The following AFM variants were observed in gnomAD, a reference collection of about 807,000 sequenced individuals.
The protein encoded by AFM is afamin, also known as alpha-Alb.
Under a neutral mutation model 68.7 loss-of-function variants are expected in AFM, and 82 were observed. The observed-to-expected ratio is 1.19, with a 90% CI of 1.00 to 1.43. The LOEUF is 1.43. Among genes scored for constraint, AFM ranks in the 40% most tolerant of loss-of-function variants. AFM has a pLI of 0.00. For synonymous variants in AFM, 250 were observed against 234.2 expected (o/e 1.07, Z -0.61); for missense variants, 772 against 701.8 (o/e 1.10, Z -1.13).
At chr4:73,485,558 G>A (rs1044086473) in intron 3 of AFM, among the ~76,000 whole-genome samples, 1 of 148,142 alleles carries the variant, frequency 6.8e-6, no homozygotes, top group African/African-American at 2.5e-5. Context: ...AGGAGAAGGA[G>A]GAGAAGGAGA....
chr4:73,487,475 GC>G (rs1340473146), intron 5 of AFM, among the ~76,000 whole-genome samples: 1 of 152,108 alleles, frequency 6.6e-6, no homozygotes. Flanking sequence ...ACAGCATGCT[GC>G]CCCACCAAGG....
chr4:73,485,650 A>C (rs1011690208), intron 3 of AFM, among the ~76,000 whole-genome samples: 1 of 137,842 alleles, frequency 7.3e-6, no homozygotes, highest in African/African-American at 2.7e-5. Flanking sequence ...AAGAAGAAGA[A>C]GAAGGGGAGG....
rs16849506 is a variant in AFM, at chr4:73,497,995, T to C, written c.1289+246T>C. Among the ~76,000 whole-genome samples the C allele has an allele frequency of 9.1e-3, 1,390 of 152,324 alleles. 12 individuals are homozygous for C. The highest frequency in any genetic ancestry group is 0.03 in the African/African-American group (1,245 of 41,564). On this transcript the variant is annotated intron_variant, in intron 10 of 14. Transcript: ENST00000226355. Reference sequence around the variant, plus strand: ...TGATTCTCTAATGCTTTGGTTTCTGTTTGACATTGGCTTTCTCACTGCCAA... The same window carrying C: ...TGATTCTCTAATGCTTTGGTTTCTGCTTGACATTGGCTTTCTCACTGCCAA...
At chr4:73,493,561 G>A (rs1425575408) in intron 8 of AFM, among the ~76,000 whole-genome samples, 1 of 152,162 alleles carries the variant, frequency 6.6e-6, no homozygotes, top group African/African-American at 2.4e-5. Context: ...AATTTTAAGT[G>A]CCTCTCATCT....
intron 4 of AFM, 23 bp downstream of exon 4, chr4:73,486,096 ATG>A (rs1399950981): frequency 6.3e-7 from 1 of 1,585,832 alleles, no homozygotes; most frequent in Admixed American, 1.7e-5. Context: ...TTAGTAAAAA[ATG>A]ATCCAGTTGA....
rs74978968 is a variant in AFM, at chr4:73,488,323, G to A, written c.714-307G>A. Among the ~76,000 whole-genome samples the A allele has an allele frequency of 7.9e-3, 1,198 of 152,250 alleles. 12 individuals carry two copies. Among genetic ancestry groups the A allele is most frequent in the African/African-American group, 0.027 (1,136 of 41,548 alleles). Reference sequence around the variant, plus strand: ...CATGAATTATCTATGCCTGCCATGAGCTTACAATAGGAAGTGGTGGCCTTA... The same window carrying A: ...CATGAATTATCTATGCCTGCCATGAACTTACAATAGGAAGTGGTGGCCTTA... On this transcript the variant is annotated intron_variant, in intron 6 of 14. Coordinates refer to ENST00000226355, the MANE Select transcript of AFM (RefSeq NM_001133.2).
rs748271584 is a variant in AFM, at chr4:73,488,746, G to C, written c.830G>C (p.Cys277Ser). The C allele has an allele frequency of 1.2e-6, 2 of 1,609,526 alleles. No individual in the cohort carries two copies. The highest frequency in any genetic ancestry group is 1.7e-6 in the Non-Finnish European group (2 of 1,178,656). Residue 277 changes from cysteine to serine, a missense_variant, in exon 7 of 15, where the codon TGC becomes TCC. Physicochemically the swap from Cys to Ser is moderately radical, Grantham distance 112. Transcript: ENST00000226355. ...DGCCEGDVVQ[C>S]IRDTSKVMNH... Reference sequence around the variant, plus strand: ...TGCTGTGAAGGGGATGTTGTGCAGTGCATCCGTGACACGGTGAATATTCTC... The same window carrying C: ...TGCTGTGAAGGGGATGTTGTGCAGTCCATCCGTGACACGGTGAATATTCTC...
At chr4:73,488,801 C>T in intron 7 of AFM, 42 bp downstream of exon 7, 1 of 1,569,506 alleles carries the variant, frequency 6.4e-7, no homozygotes, top group Non-Finnish European at 8.6e-7. Flanking sequence ...TGATTTTTGG[C>T]AATTATCATT....
chr4:73,487,970 CA>C, intron 6 of AFM, 149 bp downstream of exon 6: 1 of 554,742 alleles, frequency 1.8e-6, no homozygotes, highest in Non-Finnish European at 3.2e-6. Context: ...AGCTCAGGAC[CA>C]GGACATTAGG....
chr4:73,495,524 G>C (rs1721232769), intron 9 of AFM, 92 bp downstream of exon 9: 3 of 1,501,598 alleles, frequency 2.0e-6, no homozygotes, highest in Admixed American at 2.2e-5. Flanking sequence ...CAGTCTGGGG[G>C]TAGAAAATGT....
intron 5 of AFM, 88 bp from the exon 6 acceptor site, chr4:73,487,636 G>A (rs534905024): frequency 3.4e-6 from 3 of 888,806 alleles, no homozygotes; most frequent in African/African-American, 1.7e-5. Context: ...AACAAATTTT[G>A]TAATAGTTTG....
chr4:73,501,743 A>G, intron 12 of AFM, 44 bp from the exon 13 acceptor site: 1 of 1,580,862 alleles, frequency 6.3e-7, no homozygotes. Flanking sequence ...GACGCTTCAG[A>G]AAGAAAGCGT....
intron 3 of AFM, 96 bp downstream of exon 3, chr4:73,484,486 CT>C (rs1281183605): frequency 2.0e-5 from 15 of 746,422 alleles, no homozygotes; most frequent in African/African-American, 1.4e-4. Flanking sequence ...TTCTTTCTTT[CT>C]TTCTTTCTTT....
At position 73,484,239 on chromosome 4, in the gene AFM, C is replaced by A. The variant is rs754509549; in HGVS notation, c.138-19C>A. On this transcript the variant is annotated intron_variant, in intron 2 of 14. Transcript: ENST00000226355. The stretch of plus-strand genomic sequence containing the variant: ...AACTCTGCAACTGATCTTTGTATAC[C>A]CCATGTGAACTGTTGCAGCACCATC... The A allele has an allele frequency of 1.3e-6, 2 of 1,596,964 alleles. No individual in the cohort carries two copies. Among genetic ancestry groups the A allele is most frequent in the Non-Finnish European group, 1.7e-6 (2 of 1,174,778 alleles).
chr4:73,483,828 G>T, intron 1 of AFM, 113 bp from the exon 2 acceptor site: 1 of 820,482 alleles, frequency 1.2e-6, no homozygotes. Flanking sequence ...ATTATCTCCT[G>T]TCATCAGTGG....
At position 73,495,305 on chromosome 4, in the gene AFM, C is replaced by A; in HGVS notation, c.1064C>A (p.Thr355Asn). ...ADPDTFFAKF[T>N]FEYSRRHPDL... is the part of the protein sequence containing the mutation. The stretch of plus-strand genomic sequence containing the variant: ...CAAAATTTTACACATTGCAGGTTTA[C>A]TTTTGAATACTCAAGGAGACATCCA... Residue 355 changes from threonine to asparagine, a missense_variant, in exon 9 of 15, where the codon ACT becomes AAT. Transcript: ENST00000226355. The A allele has an allele frequency of 6.3e-7, 1 of 1,578,150 alleles. No individual in the cohort carries two copies. The highest frequency in any genetic ancestry group is 1.2e-5 in the South Asian group (1 of 84,416).
chr4:73,495,293 A>G lies in AFM; in HGVS notation c.1059-7A>G, dbSNP rs771689687. The G allele has an allele frequency of 8.9e-6, 14 of 1,569,950 alleles. No homozygotes were observed. In the African/African-American group the frequency reaches 1.7e-4, roughly 19 times the overall value. ...ATTTCTAATATACAAAATTTTACACATTGCAGGTTTACTTTTGAATACTCA... is the reference window on the plus strand; with the variant it reads ...ATTTCTAATATACAAAATTTTACACGTTGCAGGTTTACTTTTGAATACTCA... On this transcript the variant is annotated splice_polypyrimidine_tract_variant and splice_region_variant and intron_variant, in intron 8 of 14. Coordinates refer to ENST00000226355, the MANE Select transcript of AFM (RefSeq NM_001133.2).
At chr4:73,494,760 C>G (rs1351091094) in intron 8 of AFM, among the ~76,000 whole-genome samples, 1 of 152,156 alleles carries the variant, frequency 6.6e-6, no homozygotes, top group East Asian at 1.9e-4. Flanking sequence ...CACCTATGCT[C>G]TTGAAGTCCT....
At chr4:73,502,621 C>G (rs1721451255) in intron 13 of AFM, among the ~76,000 whole-genome samples, 1 of 152,174 alleles carries the variant, frequency 6.6e-6, no homozygotes, top group Non-Finnish European at 1.5e-5. Flanking sequence ...TAGGAACACT[C>G]ACTCCACTCC....
Sources: allele counts gnomAD v4.1 joint callset (sites outside exome capture counted in the v4.1 genomes callset), GRCh38; gene constraint gnomAD v4.1.1; transcripts MANE v1.5; gene names NCBI Gene and HGNC (gene_info 2026-07-23, HGNC 2026-07-21).